The following THSD7B variants were observed in gnomAD, a reference collection of about 807,000 sequenced individuals.
The protein encoded by THSD7B is thrombospondin type 1 domain containing 7B, also known as thrombospondin type-1 domain-containing protein 7B.
Under a neutral mutation model 213.6 loss-of-function variants are expected in THSD7B, and 138 were observed. The observed-to-expected ratio is 0.65, with a 90% CI of 0.56 to 0.74. The LOEUF (loss-of-function observed/expected upper bound fraction) is 0.74, where lower values mean the gene tolerates loss of function less well. THSD7B is among the 30% of genes least tolerant of loss of function. The pLI is 0.00. For synonymous variants in THSD7B, 742 were observed against 687.0 expected (o/e 1.08, Z -1.25); for missense variants, 1,931 against 1,991.5 (o/e 0.97, Z 0.58).
intron 2 of THSD7B, among the ~76,000 whole-genome samples, chr2:136,950,724 T>C (rs1331443528): frequency 6.6e-6 from 1 of 152,192 alleles, no homozygotes; most frequent in Non-Finnish European, 1.5e-5. Flanking sequence ...ATAAAGTAGA[T>C]GGAGAAGAGG....
At chr2:137,542,615 A>G (rs1680629931) in intron 15 of THSD7B, among the ~76,000 whole-genome samples, 1 of 151,752 alleles carries the variant, frequency 6.6e-6, no homozygotes, top group Non-Finnish European at 1.5e-5. Flanking sequence ...CACATGGAGC[A>G]TTCTCCAGGG....
intron 2 of THSD7B, among the ~76,000 whole-genome samples, chr2:136,925,939 G>A (rs991411936): frequency 6.6e-6 from 1 of 152,016 alleles, no homozygotes. Flanking sequence ...GTTAGTAAAG[G>A]AAATTATATG....
intron 17 of THSD7B, among the ~76,000 whole-genome samples, chr2:137,606,189 G>A (rs1248012744): frequency 6.6e-6 from 1 of 152,094 alleles, no homozygotes; most frequent in Non-Finnish European, 1.5e-5. Flanking sequence ...GGGTAAGGGC[G>A]AGTTAGGCAA....
At chr2:136,977,822 T>TTTTTA (rs1685508862) in intron 2 of THSD7B, among the ~76,000 whole-genome samples, 1 of 135,572 alleles carries the variant, frequency 7.4e-6, no homozygotes, top group Non-Finnish European at 1.7e-5. Context: ...TTTTTTTTTT[T>TTTTTA]AAACGGAGTC....
At chr2:136,819,598 C>T (rs1180295025) in intron 1 of THSD7B, among the ~76,000 whole-genome samples, 1 of 152,136 alleles carries the variant, frequency 6.6e-6, no homozygotes, top group Non-Finnish European at 1.5e-5. Context: ...TACCATGAAA[C>T]ATGGGACTTG....
At chr2:137,546,425 T>TATATATATTATATATATATTATATATA (rs1680724899) in intron 15 of THSD7B, among the ~76,000 whole-genome samples, 1 of 18,660 alleles carries the variant, frequency 5.4e-5, no homozygotes, top group Admixed American at 8.8e-4. Flanking sequence ...TTATATATAT[T>TATATATATTATATATATATTATATATA]ATATATATAT....
chr2:137,284,592 A>G (rs918217961), intron 12 of THSD7B, among the ~76,000 whole-genome samples: 24 of 152,064 alleles, frequency 1.6e-4, no homozygotes, highest in African/African-American at 5.6e-4. Context: ...AGATTCTGGT[A>G]TGTTGTGTCT....
intron 1 of THSD7B, among the ~76,000 whole-genome samples, chr2:136,833,081 A>C (rs1163068200): frequency 6.6e-6 from 1 of 152,110 alleles, no homozygotes; most frequent in Non-Finnish European, 1.5e-5. Flanking sequence ...GGAGAGGGGA[A>C]TTGGCTGGGT....
intron 14 of THSD7B, among the ~76,000 whole-genome samples, chr2:137,412,648 T>G (rs538552961): frequency 1.2e-4 from 15 of 126,912 alleles, no homozygotes; most frequent in African/African-American, 4.3e-4. Context: ...ATATAAAGTA[T>G]AAGTATACCC....
intron 21 of THSD7B, among the ~76,000 whole-genome samples, chr2:137,648,390 A>G (rs1276457174): frequency 2.0e-5 from 3 of 151,800 alleles, no homozygotes; most frequent in African/African-American, 4.8e-5. Flanking sequence ...CCTCACCCCT[A>G]CGTTCCTTGC....
intron 3 of THSD7B, among the ~76,000 whole-genome samples, chr2:137,071,103 G>A (rs1457514477): frequency 2.0e-5 from 3 of 152,152 alleles, no homozygotes; most frequent in Non-Finnish European, 2.9e-5. Context: ...GGGTCAAGTG[G>A]TATTTCTAGT....
chr2:137,029,237 C>T (rs1336948623), intron 2 of THSD7B, among the ~76,000 whole-genome samples: 1 of 151,956 alleles, frequency 6.6e-6, no homozygotes, highest in African/African-American at 2.4e-5. Context: ...TGCCAACATG[C>T]CAGGCCAATT....
intron 20 of THSD7B, among the ~76,000 whole-genome samples, chr2:137,628,878 A>G (rs1682686893): frequency 6.6e-6 from 1 of 152,076 alleles, no homozygotes; most frequent in African/African-American, 2.4e-5. Flanking sequence ...CTACATTTCA[A>G]TCACACCCTT....
At chr2:137,308,694 C>T (rs1033000206) in intron 12 of THSD7B, among the ~76,000 whole-genome samples, 2 of 151,860 alleles carry the variant, frequency 1.3e-5, no homozygotes, top group African/African-American at 4.8e-5. Flanking sequence ...TCATAGAATT[C>T]GTTGAGAAAA....
chr2:137,020,974 G>C (rs999696183), intron 2 of THSD7B, among the ~76,000 whole-genome samples: 3 of 152,162 alleles, frequency 2.0e-5, no homozygotes, highest in African/African-American at 7.2e-5. Context: ...AATTGGCTGA[G>C]GAGCTATCTA....
intron 1 of THSD7B, among the ~76,000 whole-genome samples, chr2:136,770,870 C>T (rs939020281): frequency 1.3e-5 from 2 of 151,980 alleles, no homozygotes; most frequent in Non-Finnish European, 2.9e-5. Flanking sequence ...GGTATCAAAA[C>T]CCCTTTCATC....
intron 2 of THSD7B, among the ~76,000 whole-genome samples, chr2:136,962,881 C>G (rs548366980): frequency 4.3e-4 from 65 of 152,096 alleles, no homozygotes; most frequent in Middle Eastern, 6.8e-3. Context: ...AAAACAGACA[C>G]ACATTTGAAA....
chr2:137,100,823 C>CA (rs1688136502), intron 4 of THSD7B, among the ~76,000 whole-genome samples: 1 of 152,064 alleles, frequency 6.6e-6, no homozygotes, highest in African/African-American at 2.4e-5. Context: ...GACATCCACC[C>CA]AGGACAAGAT....
At chr2:136,820,096 A>G (rs934221058) in intron 1 of THSD7B, among the ~76,000 whole-genome samples, 2 of 152,106 alleles carry the variant, frequency 1.3e-5, no homozygotes, top group Non-Finnish European at 2.9e-5. Context: ...CTTGCATACT[A>G]AATACCTTAT....
Sources: gnomAD v4.1 joint callset for allele counts (sites outside exome capture counted in the v4.1 genomes callset) on GRCh38, gnomAD v4.1.1 for gene constraint, MANE v1.5 for transcripts, NCBI Gene and HGNC (gene_info 2026-07-23, HGNC 2026-07-21) for gene names.